Variants in EXOC6 observed in about 807,000 individuals in gnomAD.
EXOC6 encodes exocyst complex component 6, also known as SEC15-like 1.
In EXOC6, 60 loss-of-function variants were observed where a neutral mutation model predicts 112.5. That is an observed-to-expected ratio of 0.53 (90% CI 0.43 to 0.66). The LOEUF (loss-of-function observed/expected upper bound fraction) is 0.66, where lower values mean the gene tolerates loss of function less well. Among genes scored for constraint, EXOC6 ranks in the 30% least tolerant of loss-of-function variants. The pLI is 0.00. For missense variants in EXOC6, 855 were observed against 957.1 expected (o/e 0.89, Z 1.41); for synonymous variants, 295 against 308.0 (o/e 0.96, Z 0.44).
At chr10:92,835,456 T>C (rs1846631802) in intron 1 of EXOC6, among the ~76,000 whole-genome samples, 1 of 152,240 alleles carries the variant, frequency 6.6e-6, no homozygotes. Flanking sequence ...TTTTAAAATT[T>C]AATTCTCTAT....
upstream of EXOC6, among the ~76,000 whole-genome samples, chr10:92,832,084 C>T (rs2490742): frequency 0.21 from 32,449 of 152,114 alleles, 4,699 homozygotes; most frequent in Non-Finnish European, 0.31. Context: ...ATGCTGATGG[C>T]TCTTTTAAGA....
chr10:92,891,322 A>G (rs968504442), intron 1 of EXOC6, among the ~76,000 whole-genome samples: 5 of 152,222 alleles, frequency 3.3e-5, no homozygotes, highest in Admixed American at 2.6e-4. Flanking sequence ...ATTTAAAGCT[A>G]CAAGTCAAGA....
At chr10:92,894,379 G>A (rs1352541108) in intron 2 of EXOC6, among the ~76,000 whole-genome samples, 1 of 152,148 alleles carries the variant, frequency 6.6e-6, no homozygotes, top group Non-Finnish European at 1.5e-5. Flanking sequence ...CAACCACCCA[G>A]TGTTTGCATT....
chr10:92,935,208 T>C (rs1006001730), intron 11 of EXOC6, among the ~76,000 whole-genome samples: 4 of 151,940 alleles, frequency 2.6e-5, no homozygotes, highest in Admixed American at 2.6e-4. Context: ...CTACAACTTT[T>C]CCTAGCATAT....
rs1348518594 is a variant in EXOC6, at chr10:92,940,839, T to C, written c.1310+15T>C. On this transcript the variant is annotated intron_variant, in intron 13 of 21. Transcript: ENST00000260762. ...GGAGTTTTCAGGTTAGTCTAAGTCA[T>C]GGTGCCTTAATATAATGAATATGTT... 14 of 1,496,546 alleles carry C rather than the reference T, an allele frequency of 9.4e-6. No individual in the cohort carries two copies. The highest frequency in any genetic ancestry group is 1.3e-5 in the Non-Finnish European group (14 of 1,078,780). 92.7% of individuals were successfully genotyped at this position (1,496,546 alleles called of 1,614,324 possible).
intron 8 of EXOC6, among the ~76,000 whole-genome samples, chr10:92,920,307 A>G (rs568582680): frequency 6.6e-6 from 1 of 152,248 alleles, no homozygotes; most frequent in South Asian, 2.1e-4. Flanking sequence ...TGCTGTTGTT[A>G]CATCACAGTT....
chr10:92,955,783 G>T (rs532129061), intron 17 of EXOC6, 69 bp downstream of exon 17: 1 of 1,399,664 alleles, frequency 7.1e-7, no homozygotes. Flanking sequence ...ATTAAAGACC[G>T]TTCTTATATA....
At chr10:92,974,595 CA>C (rs1842430797) in intron 18 of EXOC6, among the ~76,000 whole-genome samples, 1 of 15,840 alleles carries the variant, frequency 6.3e-5, no homozygotes, top group African/African-American at 9.6e-4. Flanking sequence ...CCTCTCTTTC[CA>C]CGTCTCCCTC....
At chr10:93,015,059 A>G (rs1844438055) in intron 20 of EXOC6, among the ~76,000 whole-genome samples, 2 of 152,082 alleles carry the variant, frequency 1.3e-5, no homozygotes, top group African/African-American at 4.8e-5. Context: ...GCTAGAATAG[A>G]CAGTAGGAGT....
At chr10:93,031,251 A>G (rs796333160) in intron 20 of EXOC6, among the ~76,000 whole-genome samples, 20 of 148,390 alleles carry the variant, frequency 1.3e-4, no homozygotes, top group African/African-American at 5.0e-4. Context: ...TTTAAAGAAT[A>G]CTTTAAAAAA....
chr10:92,828,106 A>G (rs1020172197), intron 1 of EXOC6, among the ~76,000 whole-genome samples: 8 of 152,218 alleles, frequency 5.3e-5, no homozygotes, highest in African/African-American at 1.9e-4. Context: ...AGATTCACTC[A>G]TTAACTCTGT....
At chr10:93,021,074 A>G (rs964634423) in intron 20 of EXOC6, among the ~76,000 whole-genome samples, 2 of 152,012 alleles carry the variant, frequency 1.3e-5, no homozygotes, top group Non-Finnish European at 2.9e-5. Flanking sequence ...CATAGGCTCA[A>G]CAGACTTTGT....
At chr10:93,008,089 C>T (rs563081514) in intron 19 of EXOC6, among the ~76,000 whole-genome samples, 42 of 152,192 alleles carry the variant, frequency 2.8e-4, no homozygotes, top group Middle Eastern at 6.8e-3. Context: ...AGGAGAATCT[C>T]GCTTGAACCT....
intron 20 of EXOC6, among the ~76,000 whole-genome samples, chr10:93,017,926 C>G (rs1844612135): frequency 6.6e-6 from 1 of 150,454 alleles, no homozygotes; most frequent in Admixed American, 6.7e-5. Flanking sequence ...AGGGGAATCA[C>G]TTGAACTTGG....
chr10:92,917,438 G>A (rs75028315), intron 7 of EXOC6, among the ~76,000 whole-genome samples: 1 of 143,614 alleles, frequency 7.0e-6, no homozygotes, highest in East Asian at 2.0e-4. Flanking sequence ...AAAAAAAAAA[G>A]TTCTAGTAAG....
At chr10:93,031,187 T>G (rs1845254438) in intron 20 of EXOC6, among the ~76,000 whole-genome samples, 1 of 152,142 alleles carries the variant, frequency 6.6e-6, no homozygotes, top group African/African-American at 2.4e-5. Flanking sequence ...AGGGGAAATT[T>G]ACACCTAGAT....
At chr10:92,968,886 C>G (rs571198121) in intron 17 of EXOC6, among the ~76,000 whole-genome samples, 1 of 151,982 alleles carries the variant, frequency 6.6e-6, no homozygotes, top group Non-Finnish European at 1.5e-5. Flanking sequence ...TTCCCAAAAC[C>G]GTTTTGTTTT....
intron 17 of EXOC6, among the ~76,000 whole-genome samples, chr10:92,956,158 G>A (rs1484121635): frequency 1.3e-5 from 2 of 152,016 alleles, no homozygotes; most frequent in African/African-American, 4.8e-5. Context: ...TTTTGCGGGT[G>A]GAAAGATTTC....
intron 1 of EXOC6, among the ~76,000 whole-genome samples, chr10:92,886,746 C>T (rs908820944): frequency 6.6e-6 from 1 of 152,128 alleles, no homozygotes; most frequent in African/African-American, 2.4e-5. Context: ...CATAGTTAAG[C>T]CAGAAGTATG....
Sources: allele counts gnomAD v4.1 joint callset (sites outside exome capture counted in the v4.1 genomes callset), GRCh38; gene constraint gnomAD v4.1.1; transcripts MANE v1.5; gene names NCBI Gene and HGNC (gene_info 2026-07-23, HGNC 2026-07-21).